Variants in CCSER1 observed in about 807,000 individuals in gnomAD.
CCSER1 encodes coiled-coil serine rich protein 1, also known as serine-rich coiled-coil domain-containing protein 1.
In CCSER1, 41 loss-of-function variants were observed where a neutral mutation model predicts 82.0. The observed-to-expected ratio is 0.50, with a 90% CI of 0.39 to 0.65. The LOEUF (loss-of-function observed/expected upper bound fraction) is 0.65, where lower values mean the gene tolerates loss of function less well. CCSER1 is among the 30% of genes least tolerant of loss of function. CCSER1 has a pLI of 0.00. For missense variants in CCSER1, 1,119 were observed against 1,064.2 expected, an observed-to-expected ratio of 1.05 and a Z score of -0.72; for synonymous variants, 414 against 383.9, an observed-to-expected ratio of 1.08 and a Z score of -0.92.
chr4:90,936,247 A>G (rs1262206766), intron 9 of CCSER1, among the ~76,000 whole-genome samples: 2 of 152,092 alleles, frequency 1.3e-5, no homozygotes, highest in African/African-American at 4.8e-5. Flanking sequence ...TTGACAATAT[A>G]TTGAATGCAT....
intron 3 of CCSER1, among the ~76,000 whole-genome samples, chr4:90,343,990 T>C (rs1741887569): frequency 6.6e-6 from 1 of 150,476 alleles, no homozygotes; most frequent in South Asian, 2.1e-4. Context: ...TCATTCTTAC[T>C]AACTATTTTT....
At chr4:90,172,981 G>T (rs897577474) in intron 1 of CCSER1, among the ~76,000 whole-genome samples, 3 of 151,730 alleles carry the variant, frequency 2.0e-5, no homozygotes, top group Non-Finnish European at 4.4e-5. Context: ...TGGTGATTGG[G>T]ATAGTGCTAG....
At chr4:90,187,272 A>AT (rs964401478) in intron 1 of CCSER1, among the ~76,000 whole-genome samples, 25 of 151,802 alleles carry the variant, frequency 1.6e-4, no homozygotes, top group African/African-American at 5.3e-4. Context: ...GATTGGAGGC[A>AT]TTTTTTATTT....
intron 1 of CCSER1, among the ~76,000 whole-genome samples, chr4:90,214,809 C>T (rs562845809): frequency 2.0e-5 from 3 of 152,256 alleles, no homozygotes; most frequent in African/African-American, 7.2e-5. Context: ...TTAAAGGATT[C>T]CCTTGTTGTG....
intron 6 of CCSER1, among the ~76,000 whole-genome samples, chr4:90,716,463 G>C (rs1248005864): frequency 1.3e-5 from 2 of 151,940 alleles, no homozygotes; most frequent in African/African-American, 4.8e-5. Flanking sequence ...AGAATAAAGT[G>C]GTATCATGGC....
Position 90,530,645 on chromosome 4 carries a change from A to G in CCSER1, c.1724+62291A>G, listed in dbSNP as rs142948149. ...TACATCAAATATGAGTGCTCCTGGA[A>G]CTGTCATGGCGCTTGTAGGTATGTT... On this transcript the variant is annotated intron_variant, in intron 5 of 10. Coordinates refer to ENST00000509176, the MANE Select transcript of CCSER1 (RefSeq NM_001145065.2). Among the ~76,000 whole-genome samples, 30 of 152,200 alleles carry G rather than the reference A, an allele frequency of 2.0e-4. No homozygotes were observed. In the East Asian group the frequency reaches 3.5e-3, roughly 18 times the overall value.
At chr4:90,651,481 T>A (rs905174847) in intron 6 of CCSER1, among the ~76,000 whole-genome samples, 4 of 151,278 alleles carry the variant, frequency 2.6e-5, no homozygotes, top group Non-Finnish European at 4.4e-5. Context: ...TAAGTAGGAG[T>A]TGAACAATGA....
chr4:91,376,847 T>C (rs758955591), intron 10 of CCSER1, among the ~76,000 whole-genome samples: 7 of 152,084 alleles, frequency 4.6e-5, no homozygotes, highest in Non-Finnish European at 8.8e-5. Flanking sequence ...CATGTTGGTG[T>C]GCTGCACCCA....
At position 91,018,535 on chromosome 4, in the gene CCSER1, GT is replaced by G. The variant is rs557698523; in HGVS notation, c.2173-67414del. Among the ~76,000 whole-genome samples, 167 of 152,102 alleles carry G rather than the reference GT, an allele frequency of 1.1e-3. 1 individual carries two copies. Among genetic ancestry groups the G allele is most frequent in the Non-Finnish European group, 1.8e-3 (123 of 67,966 alleles). On this transcript the variant is annotated intron_variant, in intron 9 of 10. Coordinates refer to ENST00000509176, the MANE Select transcript of CCSER1 (RefSeq NM_001145065.2). ...TGGCCATATTATTCCCTAGTTTATA[GT>G]CCTTAATTGCTTTCTACAACCCTTA...
Position 91,257,472 on chromosome 4 carries a change from T to TAC in CCSER1, c.2217+171507_2217+171508dup, listed in dbSNP as rs34423543. 4.7e-3 allele frequency among the ~76,000 whole-genome samples: 705 copies of TAC among 148,798 alleles called. 1 individual carries two copies. The highest frequency in any genetic ancestry group is 0.01 in the Middle Eastern group (3 of 288). ...ATTCAGTAAAGTTGGAATACATACC[T>TAC]ACACACACACACACACACACACACA... On this transcript the variant is annotated intron_variant, in intron 10 of 10. Coordinates refer to ENST00000509176, the MANE Select transcript of CCSER1 (RefSeq NM_001145065.2).
intron 5 of CCSER1, among the ~76,000 whole-genome samples, chr4:90,475,632 A>G (rs552702948): frequency 6.6e-6 from 1 of 152,294 alleles, no homozygotes; most frequent in South Asian, 2.1e-4. Context: ...AGGGTGAAAA[A>G]TCGCTGGCCA....
chr4:91,498,090 C>A (rs573920913), intron 10 of CCSER1, among the ~76,000 whole-genome samples: 13 of 152,062 alleles, frequency 8.5e-5, no homozygotes, highest in African/African-American at 3.1e-4. Flanking sequence ...AGAAATACAG[C>A]GGTTCAGATG....
intron 9 of CCSER1, 192 bp downstream of exon 9, chr4:90,923,639 C>T (rs975421915): frequency 2.1e-6 from 1 of 480,410 alleles, no homozygotes; most frequent in Non-Finnish European, 3.7e-6. Context: ...CACCAACTGG[C>T]ATACCAATGC....
intron 10 of CCSER1, among the ~76,000 whole-genome samples, chr4:91,386,131 G>A (rs1461724127): frequency 3.3e-5 from 5 of 151,258 alleles, no homozygotes; most frequent in African/African-American, 1.2e-4. Context: ...CCATTCCCCA[G>A]TGAATGGACC....
intron 8 of CCSER1, among the ~76,000 whole-genome samples, chr4:90,876,925 A>C (rs1767286599): frequency 6.6e-6 from 1 of 151,978 alleles, no homozygotes; most frequent in Non-Finnish European, 1.5e-5. Context: ...GCAAAATATA[A>C]ATTTCTTTGT....
chr4:90,940,390 A>G (rs866342305), intron 9 of CCSER1, among the ~76,000 whole-genome samples: 1 of 151,516 alleles, frequency 6.6e-6, no homozygotes, highest in South Asian at 2.1e-4. Flanking sequence ...ATCAGTAAAC[A>G]TGTTTACATA....
intron 5 of CCSER1, among the ~76,000 whole-genome samples, chr4:90,503,093 A>G (rs1425830709): frequency 1.3e-5 from 2 of 152,184 alleles, no homozygotes; most frequent in African/African-American, 2.4e-5. Flanking sequence ...CAAGTGTCAA[A>G]CCAGAAAAAA....
chr4:91,070,427 A>C (rs1721309598), intron 9 of CCSER1, among the ~76,000 whole-genome samples: 1 of 152,216 alleles, frequency 6.6e-6, no homozygotes, highest in Admixed American at 6.5e-5. Flanking sequence ...AATAACCATT[A>C]TCTTGATAGA....
At chr4:91,331,784 C>G (rs1746974333) in intron 10 of CCSER1, among the ~76,000 whole-genome samples, 1 of 152,106 alleles carries the variant, frequency 6.6e-6, no homozygotes, top group African/African-American at 2.4e-5. Flanking sequence ...ATATCTTTAT[C>G]ACAAGCTGCA....
Sources: gnomAD v4.1 joint callset for allele counts (sites outside exome capture counted in the v4.1 genomes callset) on GRCh38, gnomAD v4.1.1 for gene constraint, MANE v1.5 for transcripts, NCBI Gene and HGNC (gene_info 2026-07-23, HGNC 2026-07-21) for gene names.